The following INPP4B variants were observed in gnomAD, a reference collection of about 807,000 sequenced individuals.
The protein encoded by INPP4B is inositol polyphosphate 4-phosphatase type II.
Under a neutral mutation model 122.5 loss-of-function variants are expected in INPP4B, and 55 were observed. The ratio of observed to expected loss-of-function variants is 0.45; its 90% CI spans 0.36 to 0.56. INPP4B has a LOEUF of 0.56. INPP4B is among the 20% of genes least tolerant of loss of function. INPP4B has a pLI of 0.00. For synonymous variants in INPP4B, 403 were observed against 388.7 expected (o/e 1.04, Z -0.43); for missense variants, 1,000 against 1,097.7 (o/e 0.91, Z 1.26).
chr4:142,426,180 A>G (rs1255593451), intron 5 of INPP4B, among the ~76,000 whole-genome samples: 2 of 152,038 alleles, frequency 1.3e-5, no homozygotes, highest in Non-Finnish European at 2.9e-5. Context: ...TCTAGACATA[A>G]TAAGTGGAGG....
chr4:142,040,942 A>G (rs576750368), intron 25 of INPP4B, among the ~76,000 whole-genome samples: 7 of 152,320 alleles, frequency 4.6e-5, no homozygotes, highest in Admixed American at 2.0e-4. Flanking sequence ...TCTATTCTTG[A>G]TAAGCACTAG....
At chr4:142,663,594 G>T (rs1329603268) in intron 2 of INPP4B, among the ~76,000 whole-genome samples, 1 of 152,012 alleles carries the variant, frequency 6.6e-6, no homozygotes, top group Non-Finnish European at 1.5e-5. Flanking sequence ...TAAGGAGCAG[G>T]TCTTTTTAAA....
intron 17 of INPP4B, 107 bp downstream of exon 17, chr4:142,160,251 A>T: frequency 1.2e-6 from 1 of 811,018 alleles, no homozygotes; most frequent in Non-Finnish European, 1.8e-6. Flanking sequence ...AATCAGTGTT[A>T]TAACTTTTTT....
intron 2 of INPP4B, among the ~76,000 whole-genome samples, chr4:142,712,753 T>C (rs940196342): frequency 5.9e-5 from 9 of 152,190 alleles, no homozygotes; most frequent in Admixed American, 5.9e-4. Context: ...TAAGTACTTC[T>C]CCCCAGCCCT....
chr4:142,489,764 G>A (rs917015705), intron 2 of INPP4B, among the ~76,000 whole-genome samples: 1 of 151,912 alleles, frequency 6.6e-6, no homozygotes, highest in Non-Finnish European at 1.5e-5. Context: ...AAATACTATG[G>A]GCATTTGTGT....
chr4:142,459,414 AAAAG>A (rs1438648268), intron 3 of INPP4B, among the ~76,000 whole-genome samples: 1 of 152,172 alleles, frequency 6.6e-6, no homozygotes, highest in African/African-American at 2.4e-5. Flanking sequence ...GAGGGTAGAT[AAAAG>A]GAAGGAAGAG....
intron 25 of INPP4B, among the ~76,000 whole-genome samples, chr4:142,077,682 T>C (rs1771555744): frequency 6.6e-6 from 1 of 151,546 alleles, no homozygotes; most frequent in Non-Finnish European, 1.5e-5. Context: ...TAAAGTATTC[T>C]CCCTTTCTTA....
chr4:142,802,343 AC>A (rs1778107581), intron 1 of INPP4B, among the ~76,000 whole-genome samples: 1 of 152,200 alleles, frequency 6.6e-6, no homozygotes, highest in East Asian at 1.9e-4. Flanking sequence ...AAAAGAGAAA[AC>A]AAGTATGAAG....
chr4:142,283,765 A>C (rs1000209668), intron 9 of INPP4B, among the ~76,000 whole-genome samples: 17 of 152,172 alleles, frequency 1.1e-4, no homozygotes, highest in African/African-American at 3.6e-4. Flanking sequence ...GATGCATCGC[A>C]TATAGGAATC....
chr4:142,436,459 C>T (rs1464102450), intron 3 of INPP4B, among the ~76,000 whole-genome samples: 1 of 152,086 alleles, frequency 6.6e-6, no homozygotes, highest in Non-Finnish European at 1.5e-5. Context: ...ACTGGGTGAC[C>T]CCCCACAAGG....
intron 2 of INPP4B, among the ~76,000 whole-genome samples, chr4:142,632,552 CAATA>C (rs1387449394): frequency 6.6e-6 from 1 of 151,238 alleles, no homozygotes; most frequent in Non-Finnish European, 1.5e-5. Flanking sequence ...CTATAGTTTA[CAATA>C]AAATAAAGAG....
intron 9 of INPP4B, among the ~76,000 whole-genome samples, chr4:142,305,079 A>G (rs981382220): frequency 6.6e-6 from 1 of 152,162 alleles, no homozygotes; most frequent in Non-Finnish European, 1.5e-5. Flanking sequence ...AAACTACAAT[A>G]TTGCCTCTAA....
chr4:142,247,427 C>A (rs1729465018), intron 11 of INPP4B, among the ~76,000 whole-genome samples: 1 of 151,982 alleles, frequency 6.6e-6, no homozygotes, highest in Admixed American at 6.6e-5. Flanking sequence ...TGATCCTGGT[C>A]TTTTTTTGGT....
intron 2 of INPP4B, among the ~76,000 whole-genome samples, chr4:142,626,202 C>A (rs550486419): frequency 3.1e-4 from 47 of 152,206 alleles, no homozygotes; most frequent in African/African-American, 1.1e-3. Context: ...AGGCAACCTA[C>A]AAAATTCACT....
intron 7 of INPP4B, among the ~76,000 whole-genome samples, chr4:142,343,729 C>T (rs557432045): frequency 2.6e-5 from 4 of 152,162 alleles, no homozygotes; most frequent in African/African-American, 9.6e-5. Context: ...TAATAGTTAG[C>T]TATTAGTGAT....
chr4:142,730,791 T>C (rs745387290), intron 1 of INPP4B, among the ~76,000 whole-genome samples: 6 of 152,186 alleles, frequency 3.9e-5, no homozygotes, highest in Non-Finnish European at 8.8e-5. Context: ...CTAAACTCAA[T>C]GATCAGCATA....
At chr4:142,043,868 G>T in intron 25 of INPP4B, among the ~76,000 whole-genome samples, 1 of 152,140 alleles carries the variant, frequency 6.6e-6, no homozygotes, top group South Asian at 2.1e-4. Flanking sequence ...ATGGCACCTA[G>T]CATGAATAAG....
At chr4:142,313,285 C>T (rs1037612810) in intron 8 of INPP4B, among the ~76,000 whole-genome samples, 5 of 152,046 alleles carry the variant, frequency 3.3e-5, no homozygotes, top group African/African-American at 1.2e-4. Flanking sequence ...GGGGTCGGGG[C>T]AGGCAGTGAA....
At chr4:142,234,248 C>T (rs1007239388) in intron 12 of INPP4B, among the ~76,000 whole-genome samples, 1 of 152,112 alleles carries the variant, frequency 6.6e-6, no homozygotes, top group Admixed American at 6.6e-5. Flanking sequence ...TTTTTTACAC[C>T]TTTCTTTAGC....
Sources: gnomAD v4.1 joint callset for allele counts (sites outside exome capture counted in the v4.1 genomes callset) on GRCh38, gnomAD v4.1.1 for gene constraint, MANE v1.5 for transcripts, NCBI Gene and HGNC (gene_info 2026-07-23, HGNC 2026-07-21) for gene names.